The following RB1 variants were observed in gnomAD, a reference collection of about 807,000 sequenced individuals.
The protein encoded by RB1 is RB transcriptional corepressor 1.
A neutral mutation model predicts 135.4 loss-of-function variants in RB1; 18 were observed. The ratio of observed to expected loss-of-function variants is 0.13; its 90% CI spans 0.09 to 0.20. The LOEUF (loss-of-function observed/expected upper bound fraction) is 0.20, where lower values mean the gene tolerates loss of function less well. Among genes scored for constraint, RB1 ranks in the 10% least tolerant of loss-of-function variants. The probability of loss-of-function intolerance (pLI) is 1.00; values close to 1 mark genes in which losing one functional copy is unlikely to be tolerated. For synonymous variants in RB1, 365 were observed against 373.2 expected (o/e 0.98, Z 0.25); for missense variants, 868 against 1,110.0 (o/e 0.78, Z 3.10).
At chr13:48,440,283 A>G (rs1184558992) in intron 17 of RB1, among the ~76,000 whole-genome samples, 1 of 152,152 alleles carries the variant, frequency 6.6e-6, no homozygotes, top group Non-Finnish European at 1.5e-5. Flanking sequence ...ACAAAATATT[A>G]ACTATTTTTC....
At chr13:48,361,003 G>C (rs1294249456) in intron 7 of RB1, among the ~76,000 whole-genome samples, 1 of 152,060 alleles carries the variant, frequency 6.6e-6, no homozygotes, top group Admixed American at 6.6e-5. Flanking sequence ...GTATGGAGCA[G>C]AATTTTGAAG....
intron 17 of RB1, among the ~76,000 whole-genome samples, chr13:48,399,290 G>A (rs941998394): frequency 1.3e-5 from 2 of 151,690 alleles, no homozygotes; most frequent in Admixed American, 6.6e-5. Context: ...TCTTCTATAC[G>A]AATGCAAAAA....
intron 17 of RB1, among the ~76,000 whole-genome samples, chr13:48,388,119 A>C (rs1192744740): frequency 6.6e-6 from 1 of 152,214 alleles, no homozygotes; most frequent in Admixed American, 6.5e-5. Context: ...CTATATGTGC[A>C]TATCTCATGT....
intron 17 of RB1, chr13:48,422,829 A>T (rs1301511746): frequency 2.0e-5 from 3 of 152,144 alleles, no homozygotes; most frequent in Non-Finnish European, 4.4e-5. Context: ...TAGCCTACAT[A>T]TACAACCAAT....
intron 2 of RB1, chr13:48,318,223 A>T: frequency 1.6e-6 from 1 of 639,422 alleles, no homozygotes; most frequent in Non-Finnish European, 2.7e-6. Context: ...TCTCTCTTGG[A>T]CTTGGAGAGT....
intron 11 of RB1, among the ~76,000 whole-genome samples, chr13:48,368,990 G>C (rs1418007132): frequency 6.6e-6 from 1 of 151,934 alleles, no homozygotes; most frequent in African/African-American, 2.4e-5. Context: ...TGGGTGACAA[G>C]AGCGAAACTC....
intron 17 of RB1, among the ~76,000 whole-genome samples, chr13:48,414,615 AT>A (rs1340523149): frequency 2.0e-5 from 3 of 152,054 alleles, no homozygotes; most frequent in Admixed American, 2.0e-4. Context: ...AGAACAATTT[AT>A]TTTTTTCTCA....
At position 48,318,395 on chromosome 13, in the gene RB1, G is replaced by A; in HGVS notation, c.264+10989G>A. The stretch of plus-strand genomic sequence containing the variant: ...GCTTTCGCTTGGACCTTAAGTCCTT[G>A]ATGGCCGTGTCCAGGTCCTCGTCAC... On this transcript the variant is annotated intron_variant, in intron 2 of 26. Coordinates refer to ENST00000267163, the MANE Select transcript of RB1 (RefSeq NM_000321.3). 3.3e-6 allele frequency: 5 copies of A among 1,500,888 alleles called. No individual in the cohort carries two copies. In the Admixed American group the frequency reaches 7.4e-5, roughly 22 times the overall value. 93.0% of individuals were successfully genotyped at this position (1,500,888 alleles called of 1,614,324 possible).
At chr13:48,401,637 A>G (rs1394908129) in intron 17 of RB1, among the ~76,000 whole-genome samples, 1 of 152,122 alleles carries the variant, frequency 6.6e-6, no homozygotes, top group Non-Finnish European at 1.5e-5. Context: ...TGTTGTTACT[A>G]ATTTACTTAA....
At chr13:48,379,794 T>C in intron 14 of RB1, 144 bp downstream of exon 14, 1 of 1,116,970 alleles carries the variant, frequency 9.0e-7, no homozygotes, top group East Asian at 2.7e-5. Context: ...ACCCTGTCTC[T>C]ACTAAAAGTA....
intron 11 of RB1, among the ~76,000 whole-genome samples, chr13:48,372,219 C>T (rs1952765738): frequency 6.6e-6 from 1 of 152,144 alleles, no homozygotes; most frequent in African/African-American, 2.4e-5. Context: ...ATTTCTCTAA[C>T]AGTGTCAAAT....
rs149671256 is a variant in RB1 at position 48,434,415 on chromosome 13, T to C, written c.1696-18578T>C. 7.9e-5 allele frequency among the ~76,000 whole-genome samples: 12 copies of C among 152,248 alleles called. No individual in the cohort carries two copies. In the East Asian group the frequency reaches 2.1e-3, roughly 27 times the overall value. ...TTGCTCTGTCAGCAATATCTGGAAA[T>C]AGCATTAGTCATTTTTCTTCAGGTG... On this transcript the variant is annotated intron_variant, in intron 17 of 26. Coordinates refer to ENST00000267163, the MANE Select transcript of RB1 (RefSeq NM_000321.3).
chr13:48,317,921 C>G (rs568793227), intron 2 of RB1: 23 of 419,318 alleles, frequency 5.5e-5, no homozygotes, highest in South Asian at 1.5e-4. Flanking sequence ...TCTGCCTGAA[C>G]TTCTGAACTG....
At chr13:48,436,032 AC>A in intron 17 of RB1, among the ~76,000 whole-genome samples, 1 of 152,320 alleles carries the variant, frequency 6.6e-6, no homozygotes, top group Non-Finnish European at 1.5e-5. Context: ...ATATAAAGAC[AC>A]GAATATGTTA....
At chr13:48,309,013 C>T (rs1952109865) in intron 2 of RB1, among the ~76,000 whole-genome samples, 1 of 151,916 alleles carries the variant, frequency 6.6e-6, no homozygotes, top group Non-Finnish European at 1.5e-5. Context: ...TTTGTTAACT[C>T]TTACTGGATA....
At chr13:48,304,161 G>A (rs569133870) in intron 1 of RB1, 112 bp downstream of exon 1, 5 of 1,155,486 alleles carry the variant, frequency 4.3e-6, no homozygotes, top group Non-Finnish European at 5.6e-6. Context: ...GCCGGGTCCC[G>A]GCGGGAGGAG....
intron 17 of RB1, among the ~76,000 whole-genome samples, chr13:48,405,025 C>T (rs1948727305): frequency 6.6e-6 from 1 of 151,976 alleles, no homozygotes; most frequent in African/African-American, 2.4e-5. Flanking sequence ...TATCTTTTGA[C>T]TGCCCTTTTG....
intron 17 of RB1, chr13:48,415,656 T>C (rs1566215209): frequency 6.6e-6 from 1 of 152,184 alleles, no homozygotes; most frequent in Non-Finnish European, 1.5e-5. Context: ...AATTAGGCTT[T>C]TCATTATTAT....
intron 17 of RB1, among the ~76,000 whole-genome samples, chr13:48,394,540 G>A (rs1001250451): frequency 8.5e-5 from 13 of 152,178 alleles, no homozygotes; most frequent in Non-Finnish European, 1.8e-4. Context: ...GTCTGAGGTC[G>A]ACCTGGGATG....
Sources: gnomAD v4.1 joint callset for allele counts (sites outside exome capture counted in the v4.1 genomes callset) on GRCh38, gnomAD v4.1.1 for gene constraint, MANE v1.5 for transcripts, NCBI Gene and HGNC (gene_info 2026-07-23, HGNC 2026-07-21) for gene names.